The following ABHD17C variants were observed in gnomAD, a reference collection of about 807,000 sequenced individuals.
ABHD17C encodes alpha/beta hydrolase domain-containing protein 17C.
Under a neutral mutation model 27.9 loss-of-function variants are expected in ABHD17C, and 11 were observed. The ratio of observed to expected loss-of-function variants is 0.39; its 90% CI spans 0.25 to 0.65. The LOEUF (loss-of-function observed/expected upper bound fraction) is 0.65, where lower values mean the gene tolerates loss of function less well. ABHD17C is among the 30% of genes least tolerant of loss of function. The pLI is 0.45. For missense variants in ABHD17C, 280 were observed against 470.2 expected (o/e 0.60, Z 3.74); for synonymous variants, 233 against 209.1 (o/e 1.11, Z -0.98).
At chr15:80,715,354 G>A (rs1253029875) in intron 1 of ABHD17C, among the ~76,000 whole-genome samples, 4 of 152,190 alleles carry the variant, frequency 2.6e-5, no homozygotes, top group Non-Finnish European at 4.4e-5. Context: ...AACTGTAGGT[G>A]GGCCTAGGTT....
At chr15:80,737,893 A>G (rs1895155449) in intron 1 of ABHD17C, among the ~76,000 whole-genome samples, 1 of 152,208 alleles carries the variant, frequency 6.6e-6, no homozygotes, top group South Asian at 2.1e-4. Context: ...TAGATTGTGG[A>G]CATGGACTTT....
At chr15:80,713,354 C>CTTTTTTTTTTTTTTTTTTTTTTTTTT (rs67320992) in intron 1 of ABHD17C, among the ~76,000 whole-genome samples, 1 of 43,842 alleles carries the variant, frequency 2.3e-5, no homozygotes, top group Non-Finnish European at 3.7e-5. Flanking sequence ...AGGTCTTGTT[C>CTTTTTTTTTTTTTTTTTTTTTTTTTT]TTTTTTTTTT....
At chr15:80,734,709 C>T (rs1002472555) in intron 1 of ABHD17C, among the ~76,000 whole-genome samples, 11 of 152,090 alleles carry the variant, frequency 7.2e-5, no homozygotes, top group African/African-American at 2.2e-4. Context: ...TAAAGTATTA[C>T]ATTCTTTTGA....
intron 1 of ABHD17C, among the ~76,000 whole-genome samples, chr15:80,747,703 G>A (rs1229663884): frequency 6.6e-6 from 1 of 152,184 alleles, no homozygotes; most frequent in Non-Finnish European, 1.5e-5. Flanking sequence ...GCATCTGGGG[G>A]CCTCTTCCAT....
At chr15:80,723,122 T>TTG (rs1567034439) in intron 1 of ABHD17C, among the ~76,000 whole-genome samples, 6 of 120,674 alleles carry the variant, frequency 5.0e-5, no homozygotes, top group Admixed American at 3.5e-4. Flanking sequence ...ATTCCATTGT[T>TTG]TGTGTGTGTG....
intron 1 of ABHD17C, among the ~76,000 whole-genome samples, chr15:80,729,750 A>AGT (rs1895031842): frequency 6.6e-6 from 1 of 152,192 alleles, no homozygotes; most frequent in Non-Finnish European, 1.5e-5. Context: ...ATGTTCGAGA[A>AGT]CCTAATGGCA....
rs1280024978 is a variant in ABHD17C, at chr15:80,695,352, C to G, written c.-78C>G. The G allele has an allele frequency of 5.0e-6, 5 of 1,002,286 alleles. No individual in the cohort carries two copies. The highest frequency in any genetic ancestry group is 6.2e-6 in the Non-Finnish European group (5 of 809,264). 62.1% of individuals were successfully genotyped at this position (1,002,286 alleles called of 1,614,324 possible). On this transcript the variant is annotated 5_prime_UTR_variant, in exon 1 of 3. Transcript: ENST00000258884. This position sits in a 1 kb window ranked among gnomAD's most constrained non-coding sequence, Gnocchi z 4.3. ...CGCGCTCGCCTGCCAGCTCCCTCGC[C>G]GCGCGTCCGTCCTCCGTCCTCCCGG...
intron 1 of ABHD17C, among the ~76,000 whole-genome samples, chr15:80,709,802 T>C (rs940469009): frequency 6.6e-6 from 1 of 152,150 alleles, no homozygotes; most frequent in Non-Finnish European, 1.5e-5. Context: ...GCTTCCAGGA[T>C]TTTGAATTCT....
intron 1 of ABHD17C, among the ~76,000 whole-genome samples, chr15:80,745,052 T>G (rs1435557160): frequency 6.6e-6 from 1 of 152,170 alleles, no homozygotes; most frequent in Non-Finnish European, 1.5e-5. Flanking sequence ...TTTTAAAGAA[T>G]TTTTTTGTCA....
At chr15:80,698,752 A>G (rs567032957) in intron 1 of ABHD17C, among the ~76,000 whole-genome samples, 3 of 152,340 alleles carry the variant, frequency 2.0e-5, no homozygotes, top group East Asian at 3.9e-4. Context: ...TGTCAGTGCC[A>G]TGGCAGGAAT....
intron 1 of ABHD17C, among the ~76,000 whole-genome samples, chr15:80,729,113 G>C (rs1895022406): frequency 6.6e-6 from 1 of 152,178 alleles, no homozygotes; most frequent in South Asian, 2.1e-4. Flanking sequence ...CGTATCTTCA[G>C]CTTGTGGGCA....
intron 1 of ABHD17C, among the ~76,000 whole-genome samples, chr15:80,733,618 CT>C (rs1339538027): frequency 6.6e-6 from 1 of 152,186 alleles, no homozygotes; most frequent in Non-Finnish European, 1.5e-5. Flanking sequence ...TATCCAAGAA[CT>C]TCCTGGCAAA....
intron 1 of ABHD17C, among the ~76,000 whole-genome samples, chr15:80,723,138 A>ATGTG (rs57751486): frequency 0.098 from 12,217 of 124,914 alleles, 658 homozygotes; most frequent in South Asian, 0.19. Context: ...GTGTGTATAT[A>ATGTG]TGTGTGTGTG....
In ABHD17C at chr15:80,749,483, C is replaced by G. The variant is rs368610049; in HGVS notation, c.591-30C>G. On this transcript the variant is annotated intron_variant, in intron 1 of 2. Coordinates refer to ENST00000258884, the MANE Select transcript of ABHD17C (RefSeq NM_021214.2). ...CTTTCTCTCTTTCTTCATACCTTAG[C>G]TAATGGCATACAACCTCTGATTTCT... 10 of 1,605,884 alleles carry G rather than the reference C, an allele frequency of 6.2e-6. No individual in the cohort carries two copies. The East Asian group carries it at 2.0e-4, about 32-fold the overall frequency.
chr15:80,748,226 G>A (rs1895316672), intron 1 of ABHD17C, among the ~76,000 whole-genome samples: 2 of 152,198 alleles, frequency 1.3e-5, no homozygotes, highest in African/African-American at 4.8e-5. Flanking sequence ...TCCATCAGCT[G>A]TGGATTGATA....
rs776574776 is a variant in ABHD17C at position 80,705,362 on chromosome 15, T to TGTGTGTGTGTGTGTGTGTGTGG, written c.590+9348_590+9349insTGTGTGTGTGTGTGTGGGTGTG. ...GTGTGTGTGTGTGTGTGTGTGTGTG[T>TGTGTGTGTGTGTGTGTGTGTGG]GTGTGGTTAGGAGCATATATTTTAG... On this transcript the variant is annotated intron_variant, in intron 1 of 2. Coordinates refer to ENST00000258884, the MANE Select transcript of ABHD17C (RefSeq NM_021214.2). Among the ~76,000 whole-genome samples the TGTGTGTGTGTGTGTGTGTGTGG allele has an allele frequency of 6.8e-3, 1,023 of 150,650 alleles. 21 individuals are homozygous for TGTGTGTGTGTGTGTGTGTGTGG. The highest frequency in any genetic ancestry group is 0.049 in the East Asian group (246 of 5,024).
intron 1 of ABHD17C, among the ~76,000 whole-genome samples, chr15:80,733,085 G>A (rs940992445): frequency 1.3e-5 from 2 of 152,168 alleles, no homozygotes; most frequent in Admixed American, 1.3e-4. Flanking sequence ...CTATGGCCGT[G>A]GAGAGGGTGC....
intron 1 of ABHD17C, chr15:80,702,594 ACT>A (rs1417450756): frequency 6.6e-6 from 1 of 151,916 alleles, no homozygotes; most frequent in Non-Finnish European, 1.5e-5. Context: ...TCTATTCCTC[ACT>A]CTGTCTCCAA....
At chr15:80,721,759 G>A (rs915083785) in intron 1 of ABHD17C, among the ~76,000 whole-genome samples, 11 of 152,118 alleles carry the variant, frequency 7.2e-5, no homozygotes, top group African/African-American at 2.7e-4. Flanking sequence ...GGCCTCTCCC[G>A]CAAGAGGAAA....
Sources: allele counts gnomAD v4.1 joint callset (sites outside exome capture counted in the v4.1 genomes callset), GRCh38; gene constraint gnomAD v4.1.1; non-coding constraint Gnocchi (gnomAD v3.1); transcripts MANE v1.5; gene names NCBI Gene and HGNC (gene_info 2026-07-23, HGNC 2026-07-21).